Variants in FAAH2 observed in about 807,000 individuals in gnomAD.
FAAH2 encodes fatty-acid amide hydrolase 2.
Under a neutral mutation model 36.9 loss-of-function variants are expected in FAAH2, and 60 were observed. That is an observed-to-expected ratio of 1.63 (90% CI 1.32 to 2.02). The LOEUF is 2.02. Ranked by LOEUF, FAAH2 falls within the 30% of genes most tolerant of loss-of-function variation. FAAH2 has a pLI of 0.00. For synonymous variants in FAAH2, 214 were observed against 143.8 expected, an observed-to-expected ratio of 1.49 and a Z score of -3.49; for missense variants, 689 against 397.5, an observed-to-expected ratio of 1.73 and a Z score of -6.23.
intron 10 of FAAH2, among the ~76,000 whole-genome samples, chrX:57,481,731 A>T (rs1302720485): frequency 1.8e-5 from 2 of 112,136 alleles, no homozygotes. Flanking sequence ...GACCCAGCTG[A>T]GGTGGCATTC....
chrX:57,405,283 C>G (rs954321370), intron 7 of FAAH2, among the ~76,000 whole-genome samples: 4 of 111,365 alleles, frequency 3.6e-5, no homozygotes, highest in African/African-American at 1.3e-4. Context: ...TGTTCTCTGA[C>G]CTGGGGTTCT....
chrX:57,394,057 C>A (rs2055232451), intron 7 of FAAH2: 1 of 728,879 alleles, frequency 1.4e-6, no homozygotes, highest in African/African-American at 2.1e-5. Context: ...CATGAAATAT[C>A]TGAGCATCAA....
intron 5 of FAAH2, among the ~76,000 whole-genome samples, chrX:57,364,009 G>GTTT (rs59787885): frequency 0.014 from 649 of 46,057 alleles, no homozygotes; most frequent in African/African-American, 0.028. Flanking sequence ...GGCCTGTAGG[G>GTTT]TTTTTTTTTT....
At chrX:57,328,779 A>G (rs1255402563) in intron 3 of FAAH2, among the ~76,000 whole-genome samples, 2 of 111,569 alleles carry the variant, frequency 1.8e-5, no homozygotes, top group Non-Finnish European at 3.8e-5. Flanking sequence ...TTATGGTATA[A>G]GGTAGGTTCA....
chrX:57,477,462 T>C (rs1196792085), intron 10 of FAAH2, among the ~76,000 whole-genome samples: 4 of 110,567 alleles, frequency 3.6e-5, no homozygotes, highest in Non-Finnish European at 1.9e-5. Context: ...ATACTTTCTT[T>C]TGTTTATTGC....
chrX:57,359,000 A>G (rs2054226725), intron 5 of FAAH2, among the ~76,000 whole-genome samples: 1 of 110,957 alleles, frequency 9.0e-6, no homozygotes, highest in Non-Finnish European at 1.9e-5. Flanking sequence ...TGGGATTTTC[A>G]TCACCTGTAG....
chrX:57,186,752 A>T, the FAAH2 span, among the ~76,000 whole-genome samples: 1 of 112,160 alleles, frequency 8.9e-6, no homozygotes, highest in African/African-American at 3.2e-5. Context: ...AGGTGTAAGA[A>T]AGGAGTCCAG....
At chrX:57,234,555 C>CT in the FAAH2 span, among the ~76,000 whole-genome samples, 1 of 111,454 alleles carries the variant, frequency 9.0e-6, no homozygotes, top group Non-Finnish European at 1.9e-5. Context: ...GCTTCTTTTC[C>CT]TGCAACTGGA....
chrX:57,261,316 G>A, the FAAH2 span, among the ~76,000 whole-genome samples: 1 of 110,051 alleles, frequency 9.1e-6, no homozygotes, highest in Non-Finnish European at 1.9e-5. Context: ...TCTTTGTTAG[G>A]GCAAGGCGGG....
chrX:57,468,596 T>A (rs749990278), intron 10 of FAAH2, among the ~76,000 whole-genome samples: 1 of 111,996 alleles, frequency 8.9e-6, no homozygotes, highest in South Asian at 3.7e-4. Context: ...TATGGGACTA[T>A]GTGAAAAGAC....
intron 10 of FAAH2, among the ~76,000 whole-genome samples, chrX:57,478,408 G>A (rs1004723815): frequency 1.5e-4 from 17 of 111,126 alleles, no homozygotes; most frequent in Non-Finnish European, 2.8e-4. Context: ...CAGATGAGTA[G>A]GTTGTGAAAA....
chrX:57,193,616 G>A, the FAAH2 span, among the ~76,000 whole-genome samples: 1 of 111,494 alleles, frequency 9.0e-6, no homozygotes, highest in African/African-American at 3.3e-5. Flanking sequence ...CGGATGCCCA[G>A]CTTTAAAATT....
intron 7 of FAAH2, among the ~76,000 whole-genome samples, chrX:57,390,586 T>G (rs1276021166): frequency 1.8e-5 from 2 of 111,346 alleles, no homozygotes; most frequent in Non-Finnish European, 3.8e-5. Context: ...AGAAACAGAC[T>G]TTCTGTTTCT....
intron 8 of FAAH2, among the ~76,000 whole-genome samples, chrX:57,444,214 C>G (rs2056624863): frequency 8.9e-6 from 1 of 112,533 alleles, no homozygotes; most frequent in Non-Finnish European, 1.9e-5. Context: ...GAGGTGGAGT[C>G]TACAGAGGCA....
At chrX:57,391,169 G>A (rs2055157840) in intron 7 of FAAH2, among the ~76,000 whole-genome samples, 1 of 110,232 alleles carries the variant, frequency 9.1e-6, no homozygotes, top group African/African-American at 3.3e-5. Context: ...ACTTTTTAAT[G>A]GGGTTTTTTT....
chrX:57,252,855 C>G, the FAAH2 span, among the ~76,000 whole-genome samples: 1 of 112,539 alleles, frequency 8.9e-6, no homozygotes, highest in African/African-American at 3.2e-5. Flanking sequence ...AATGCCTCCT[C>G]TCCTCCAAAG....
At chrX:57,236,219 C>T in the FAAH2 span, among the ~76,000 whole-genome samples, 2 of 111,778 alleles carry the variant, frequency 1.8e-5, no homozygotes, top group African/African-American at 6.5e-5. Context: ...GTATGTATAC[C>T]ACATTTTCTT....
At chrX:57,402,416 G>A (rs1001686547) in intron 7 of FAAH2, among the ~76,000 whole-genome samples, 1 of 111,873 alleles carries the variant, frequency 8.9e-6, no homozygotes, top group Non-Finnish European at 1.9e-5. Context: ...TAAAGTGGTA[G>A]CCTTTTTCTT....
the FAAH2 span, among the ~76,000 whole-genome samples, chrX:57,164,779 TAAC>T: frequency 4.4e-5 from 5 of 112,687 alleles, no homozygotes; most frequent in South Asian, 7.3e-4. Flanking sequence ...GTAAAAATAA[TAAC>T]AACTCTTAGG....
Sources: gnomAD v4.1 joint callset for allele counts (sites outside exome capture counted in the v4.1 genomes callset) on GRCh38, gnomAD v4.1.1 for gene constraint, MANE v1.5 for transcripts, NCBI Gene and HGNC (gene_info 2026-07-23, HGNC 2026-07-21) for gene names.